RIMBP2: variants seen among roughly 807,000 people sequenced by gnomAD.
RIMBP2 encodes RIMS-binding protein 2.
Under a neutral mutation model 118.6 loss-of-function variants are expected in RIMBP2, and 48 were observed. The observed-to-expected ratio is 0.40, with a 90% confidence interval of 0.32 to 0.51. The LOEUF is 0.51. Among genes scored for constraint, RIMBP2 ranks in the 20% least tolerant of loss-of-function variants. RIMBP2 has a pLI of 0.41. For synonymous variants in RIMBP2, 762 were observed against 742.9 expected (o/e 1.03, Z -0.42); for missense variants, 1,551 against 1,768.3 (o/e 0.88, Z 2.20).
At chr12:130,522,440 G>T (rs1034304945) in intron 2 of RIMBP2, among the ~76,000 whole-genome samples, 1 of 152,202 alleles carries the variant, frequency 6.6e-6, no homozygotes, top group African/African-American at 2.4e-5. Flanking sequence ...TGCCACGTGG[G>T]GACGGGAACT....
intron 2 of RIMBP2, among the ~76,000 whole-genome samples, chr12:130,552,126 C>T (rs931892815): frequency 5.3e-5 from 8 of 152,198 alleles, no homozygotes; most frequent in African/African-American, 1.9e-4. Flanking sequence ...GCATGGCAGA[C>T]ATAAAATCAA....
At chr12:130,398,934 T>G (rs1385600987) in intron 22 of RIMBP2, 1 of 329,506 alleles carries the variant, frequency 3.0e-6, no homozygotes, top group Admixed American at 4.8e-5. Context: ...ATAAATTCAG[T>G]TGCTTTACAA....
chr12:130,461,842 A>C (rs1042330534), intron 6 of RIMBP2, among the ~76,000 whole-genome samples: 10 of 152,176 alleles, frequency 6.6e-5, no homozygotes, highest in African/African-American at 2.2e-4. Flanking sequence ...TACAGCCTAC[A>C]GGACCATCAG....
In RIMBP2 at chr12:130,442,798, G is replaced by A; in HGVS notation, c.692-138C>T. On this transcript the variant is annotated intron_variant, in intron 10 of 22. Coordinates refer to ENST00000690449, the MANE Select transcript of RIMBP2 (RefSeq NM_001393629.1). The surrounding 1 kb of genome is among the most constrained non-coding windows in gnomAD (Gnocchi z 6.9). The stretch of plus-strand genomic sequence containing the variant: ...CCTGGGGCTCCTCCGCTGTTCCCAG[G>A]AGTCCATGCTGGGGCCAGCTCCACA... 1 of 687,926 alleles carries A rather than the reference G, an allele frequency of 1.5e-6. No homozygotes were observed. The highest frequency in any genetic ancestry group is 2.4e-6 in the Non-Finnish European group (1 of 413,642). 42.6% of individuals were successfully genotyped at this position (687,926 alleles called of 1,614,324 possible).
chr12:130,684,706 A>T (rs766452397), intron 1 of RIMBP2, among the ~76,000 whole-genome samples: 71 of 152,376 alleles, frequency 4.7e-4, no homozygotes, highest in Non-Finnish European at 8.5e-4. Flanking sequence ...ATTCTTGCAA[A>T]ATGTAGTAAT....
At chr12:130,494,003 T>C (rs2048892962) in intron 4 of RIMBP2, among the ~76,000 whole-genome samples, 1 of 152,128 alleles carries the variant, frequency 6.6e-6, no homozygotes, top group African/African-American at 2.4e-5. Context: ...GGCCCTGGCT[T>C]GTGTGGGGCT....
intron 2 of RIMBP2, among the ~76,000 whole-genome samples, chr12:130,604,935 G>C (rs1470479835): frequency 6.6e-6 from 1 of 151,554 alleles, no homozygotes; most frequent in African/African-American, 2.4e-5. Context: ...GCAAGGTTTA[G>C]ATATGTTCAG....
intron 1 of RIMBP2, among the ~76,000 whole-genome samples, chr12:130,645,967 A>T (rs1169900697): frequency 6.6e-6 from 1 of 152,126 alleles, no homozygotes; most frequent in Non-Finnish European, 1.5e-5. Flanking sequence ...CTTTTAAAGA[A>T]GGAAAGAAAA....
intron 1 of RIMBP2, among the ~76,000 whole-genome samples, chr12:130,652,683 C>T (rs2063277226): frequency 6.6e-6 from 1 of 151,352 alleles, no homozygotes; most frequent in Non-Finnish European, 1.5e-5. Context: ...AATACCTGAA[C>T]CTGGGTGATT....
At position 130,602,809 on chromosome 12, in the gene RIMBP2, G is replaced by GCATA. The variant is rs1404484787; in HGVS notation, c.-217+25509_-217+25512dup. 1.3e-5 allele frequency among the ~76,000 whole-genome samples: 2 copies of GCATA among 152,174 alleles called. 1 individual carries two copies. The highest frequency in any genetic ancestry group is 3.8e-4 in the East Asian group (2 of 5,196). ...TTTAATAGGATTTGGTGTTCTTTTA[G>GCATA]CATAAACAGAGAAGTGTTATTTTGG... On this transcript the variant is annotated intron_variant, in intron 2 of 22. Coordinates refer to ENST00000690449, the MANE Select transcript of RIMBP2 (RefSeq NM_001393629.1).
intron 2 of RIMBP2, among the ~76,000 whole-genome samples, chr12:130,562,863 G>A (rs981970669): frequency 6.6e-6 from 1 of 152,194 alleles, no homozygotes; most frequent in African/African-American, 2.4e-5. Flanking sequence ...ATTCCACTGG[G>A]CACATTCAAG....
chr12:130,497,902 T>C (rs780969329), intron 4 of RIMBP2, among the ~76,000 whole-genome samples: 1 of 152,182 alleles, frequency 6.6e-6, no homozygotes, highest in African/African-American at 2.4e-5. Context: ...GGGGAGATCC[T>C]TGTCTGACAC....
chr12:130,561,429 C>A (rs893532080), intron 2 of RIMBP2, among the ~76,000 whole-genome samples: 1 of 152,132 alleles, frequency 6.6e-6, no homozygotes, highest in Non-Finnish European at 1.5e-5. Flanking sequence ...AAAAGAGGAG[C>A]GTCAGATAGT....
At chr12:130,561,085 T>G (rs1296466469) in intron 2 of RIMBP2, among the ~76,000 whole-genome samples, 13 of 152,170 alleles carry the variant, frequency 8.5e-5, no homozygotes, top group African/African-American at 3.1e-4. Flanking sequence ...GTGATGCTTC[T>G]GCACGCCAAG....
intron 1 of RIMBP2, among the ~76,000 whole-genome samples, chr12:130,678,799 G>C (rs986981224): frequency 6.6e-6 from 1 of 152,166 alleles, no homozygotes; most frequent in Non-Finnish European, 1.5e-5. Flanking sequence ...GATTACAGGC[G>C]TAAGTCACCA....
chr12:130,414,641 G>A (rs1418486714), intron 17 of RIMBP2: 3 of 215,774 alleles, frequency 1.4e-5, no homozygotes, highest in African/African-American at 2.3e-5. Context: ...GCCTTCCCAG[G>A]ACCCACACAC....
intron 1 of RIMBP2, among the ~76,000 whole-genome samples, chr12:130,673,264 A>G (rs11061075): frequency 0.98 from 149,461 of 152,336 alleles, 73,381 homozygotes; most frequent in East Asian, 1. Context: ...TCGTCTGCCA[A>G]CCTCATCCTG....
At chr12:130,429,940 G>A (rs1232829029) in intron 14 of RIMBP2, 3 of 152,212 alleles carry the variant, frequency 2.0e-5, no homozygotes, top group African/African-American at 4.8e-5. Flanking sequence ...CCCTCCCAAG[G>A]CCTCTGGGGA....
chr12:130,632,097 C>G (rs948298522), intron 1 of RIMBP2, among the ~76,000 whole-genome samples: 9 of 152,216 alleles, frequency 5.9e-5, no homozygotes, highest in African/African-American at 1.4e-4. Context: ...ACTGGTCCAC[C>G]TACTTCATCG....
Sources: gnomAD v4.1 joint callset for allele counts (sites outside exome capture counted in the v4.1 genomes callset) on GRCh38, gnomAD v4.1.1 for gene constraint, Gnocchi (gnomAD v3.1) non-coding constraint, MANE v1.5 for transcripts, NCBI Gene and HGNC (gene_info 2026-07-23, HGNC 2026-07-21) for gene names.